PKN2: variants seen among roughly 807,000 people sequenced by gnomAD.
The protein encoded by PKN2 is protein kinase N2.
PKN2 carries 38 observed loss-of-function variants against 119.1 expected under a neutral mutation model. The observed-to-expected ratio is 0.32, with a 90% CI of 0.25 to 0.42. PKN2 has a LOEUF of 0.42. Among genes scored for constraint, PKN2 ranks in the 10% least tolerant of loss-of-function variants. The pLI is 1.00. For synonymous variants in PKN2, 390 were observed against 384.9 expected (o/e 1.01, Z -0.15); for missense variants, 850 against 1,165.1 (o/e 0.73, Z 3.94).
At chr1:88,828,460 T>A in intron 18 of PKN2, 21 bp from the exon 19 acceptor site, 2 of 1,569,056 alleles carry the variant, frequency 1.3e-6, no homozygotes, top group Non-Finnish European at 1.7e-6. Context: ...CTAACAAATG[T>A]TTACATTTTA....
chr1:88,832,654 A>T, intron 19 of PKN2, 90 bp from the exon 20 acceptor site: 1 of 656,418 alleles, frequency 1.5e-6, no homozygotes, highest in Non-Finnish European at 2.7e-6. Flanking sequence ...TTTCTTTTTC[A>T]CTGCCTGGAT....
At chr1:88,795,050 T>C (rs1361870001) in intron 8 of PKN2, among the ~76,000 whole-genome samples, 1 of 152,228 alleles carries the variant, frequency 6.6e-6, no homozygotes, top group East Asian at 1.9e-4. Flanking sequence ...ATTTTACATT[T>C]TTATTTCATT....
At chr1:88,719,590 A>G (rs746113878) in intron 1 of PKN2, among the ~76,000 whole-genome samples, 2 of 152,202 alleles carry the variant, frequency 1.3e-5, no homozygotes, top group Non-Finnish European at 2.9e-5. Context: ...TATTTAAGCC[A>G]AATACTTCAT....
intron 16 of PKN2, among the ~76,000 whole-genome samples, chr1:88,819,016 TATAAA>T (rs1672133891): frequency 6.6e-6 from 1 of 152,154 alleles, no homozygotes; most frequent in Non-Finnish European, 1.5e-5. Context: ...TTACACCTTA[TATAAA>T]AGTTAACTCA....
intron 4 of PKN2, among the ~76,000 whole-genome samples, chr1:88,771,071 GTTTTC>G (rs1019083483): frequency 6.6e-6 from 1 of 151,690 alleles, no homozygotes; most frequent in African/African-American, 2.4e-5. Flanking sequence ...GTATGGCTTT[GTTTTC>G]TTTTGTTTTT....
At chr1:88,809,167 T>A (rs1010895531) in intron 15 of PKN2, among the ~76,000 whole-genome samples, 1 of 152,176 alleles carries the variant, frequency 6.6e-6, no homozygotes, top group African/African-American at 2.4e-5. Flanking sequence ...CTGTTTCTCA[T>A]ACACCTCAAT....
At chr1:88,730,225 C>T (rs142991794) in intron 1 of PKN2, among the ~76,000 whole-genome samples, 112 of 151,530 alleles carry the variant, frequency 7.4e-4, no homozygotes, top group Non-Finnish European at 1.4e-3. Flanking sequence ...CTTGCCTTAA[C>T]CAAATAGGGA....
At chr1:88,828,428 T>A in intron 18 of PKN2, 53 bp from the exon 19 acceptor site, 5 of 1,487,988 alleles carry the variant, frequency 3.4e-6, no homozygotes, top group Non-Finnish European at 3.7e-6. Flanking sequence ...ATTTTTTTTT[T>A]ATGCTAGATT....
chr1:88,759,427 C>T (rs528913379), intron 2 of PKN2, among the ~76,000 whole-genome samples: 25 of 152,278 alleles, frequency 1.6e-4, no homozygotes, highest in African/African-American at 5.5e-4. Context: ...TTGCATTTCT[C>T]TAATGACCAG....
intron 1 of PKN2, among the ~76,000 whole-genome samples, chr1:88,701,911 CA>C (rs1666784502): frequency 6.6e-6 from 1 of 152,096 alleles, no homozygotes; most frequent in Non-Finnish European, 1.5e-5. Flanking sequence ...GTGACTTGTG[CA>C]ACAGTCATTG....
rs1669886031 is a variant in PKN2, at chr1:88,771,333, T to C, written c.623-88T>C. Reference sequence around the variant, plus strand: ...TAAGGACTAAGTTATTGTAATGTTATAGGAATTCATTTCTTTTCATGATTT... The same window carrying C: ...TAAGGACTAAGTTATTGTAATGTTACAGGAATTCATTTCTTTTCATGATTT... On this transcript the variant is annotated intron_variant, in intron 4 of 21. Coordinates refer to ENST00000370521, the MANE Select transcript of PKN2 (RefSeq NM_006256.4). 23 of 903,754 alleles carry C rather than the reference T, an allele frequency of 2.5e-5. 1 individual carries two copies. In the South Asian group the frequency reaches 3.6e-4, roughly 14 times the overall value. 56.0% of individuals were successfully genotyped at this position (903,754 alleles called of 1,614,324 possible).
At chr1:88,820,796 A>G (rs1057427975) in intron 16 of PKN2, among the ~76,000 whole-genome samples, 4 of 152,198 alleles carry the variant, frequency 2.6e-5, no homozygotes, top group South Asian at 2.1e-4. Flanking sequence ...TACTTTTATA[A>G]TTAAAAACTA....
At chr1:88,690,927 A>C (rs1431280898) in intron 1 of PKN2, among the ~76,000 whole-genome samples, 1 of 152,202 alleles carries the variant, frequency 6.6e-6, no homozygotes, top group Non-Finnish European at 1.5e-5. Context: ...GACTTATCAA[A>C]TTGGTGAAAG....
chr1:88,734,703 A>C (rs1668271116), intron 1 of PKN2, among the ~76,000 whole-genome samples: 1 of 152,112 alleles, frequency 6.6e-6, no homozygotes, highest in Non-Finnish European at 1.5e-5. Flanking sequence ...CTTTATGGTT[A>C]GGTGATTTTC....
At chr1:88,709,590 G>C (rs554013318) in intron 1 of PKN2, among the ~76,000 whole-genome samples, 1 of 152,024 alleles carries the variant, frequency 6.6e-6, no homozygotes, top group African/African-American at 2.4e-5. Context: ...GAAACTTAGG[G>C]TTAAAATTAG....
intron 16 of PKN2, among the ~76,000 whole-genome samples, chr1:88,821,395 G>C (rs1212583518): frequency 6.6e-6 from 1 of 152,022 alleles, no homozygotes; most frequent in Non-Finnish European, 1.5e-5. Context: ...ATTCTCCTCT[G>C]ATTAAAATGG....
chr1:88,740,645 T>C (rs1020118644), intron 1 of PKN2, among the ~76,000 whole-genome samples: 2 of 152,178 alleles, frequency 1.3e-5, no homozygotes, highest in Non-Finnish European at 2.9e-5. Flanking sequence ...AGTAACTTGC[T>C]CAAGGTTCAC....
chr1:88,812,302 AG>A (rs1323228213), intron 15 of PKN2, among the ~76,000 whole-genome samples: 9 of 152,196 alleles, frequency 5.9e-5, no homozygotes, highest in African/African-American at 2.2e-4. Flanking sequence ...AATCATTTCA[AG>A]GGGTAGTCCA....
intron 1 of PKN2, among the ~76,000 whole-genome samples, chr1:88,699,398 ATTTT>A (rs1407427079): frequency 6.6e-6 from 1 of 151,906 alleles, no homozygotes; most frequent in Non-Finnish European, 1.5e-5. Flanking sequence ...TGTAATTTTA[ATTTT>A]TTCCCCTTTT....
Sources: allele counts gnomAD v4.1 joint callset (sites outside exome capture counted in the v4.1 genomes callset), GRCh38; gene constraint gnomAD v4.1.1; transcripts MANE v1.5; gene names NCBI Gene and HGNC (gene_info 2026-07-23, HGNC 2026-07-21).